NRG3: variants seen among roughly 807,000 people sequenced by gnomAD.
NRG3 encodes the protein neuregulin 3.
Under a neutral mutation model 66.9 loss-of-function variants are expected in NRG3, and 31 were observed. That is an observed-to-expected ratio of 0.46 (90% CI 0.35 to 0.63). The LOEUF is 0.63. Among genes scored for constraint, NRG3 ranks in the 20% least tolerant of loss-of-function variants. The pLI, the probability that NRG3 is intolerant of heterozygous loss-of-function variation, is 0.00. For missense variants in NRG3, 910 were observed against 878.9 expected, an observed-to-expected ratio of 1.04 and a Z score of -0.45; for synonymous variants, 393 against 359.4, an observed-to-expected ratio of 1.09 and a Z score of -1.06.
At chr10:82,776,209 G>T (rs1027774785) in intron 3 of NRG3, among the ~76,000 whole-genome samples, 26 of 151,974 alleles carry the variant, frequency 1.7e-4, no homozygotes, top group African/African-American at 6.3e-4. Context: ...ACCATTTTAG[G>T]TTGGCAGTTT....
chr10:82,723,313 G>A (rs2057410749), intron 2 of NRG3, among the ~76,000 whole-genome samples: 1 of 152,166 alleles, frequency 6.6e-6, no homozygotes, highest in Non-Finnish European at 1.5e-5. Context: ...GGGACTACTG[G>A]AGAGGGGAAG....
chr10:82,635,204 G>A (rs774906548), intron 2 of NRG3, among the ~76,000 whole-genome samples: 12 of 152,024 alleles, frequency 7.9e-5, no homozygotes, highest in Non-Finnish European at 1.5e-4. Context: ...TACCACCTTC[G>A]TTTGATCTTC....
At chr10:82,564,328 C>G (rs1002341791) in intron 2 of NRG3, among the ~76,000 whole-genome samples, 1 of 152,108 alleles carries the variant, frequency 6.6e-6, no homozygotes, top group African/African-American at 2.4e-5. Flanking sequence ...GATGGAGCTT[C>G]TCTGAATTGA....
chr10:82,475,662 C>T (rs1186787930), intron 2 of NRG3, among the ~76,000 whole-genome samples: 2 of 151,992 alleles, frequency 1.3e-5, no homozygotes, highest in South Asian at 4.1e-4. Context: ...TTAAGTTAGA[C>T]CCTTATCTTA....
At chr10:82,409,164 A>G (rs1232897028) in intron 2 of NRG3, among the ~76,000 whole-genome samples, 2 of 152,180 alleles carry the variant, frequency 1.3e-5, no homozygotes, top group African/African-American at 2.4e-5. Flanking sequence ...TATCAAGACT[A>G]TCTACCAATT....
intron 1 of NRG3, among the ~76,000 whole-genome samples, chr10:82,284,510 A>G (rs1354800886): frequency 6.6e-6 from 1 of 152,222 alleles, no homozygotes; most frequent in Non-Finnish European, 1.5e-5. Flanking sequence ...AGTGTTTATC[A>G]TACTAGGCAT....
chr10:82,495,236 A>T (rs2132287941), intron 2 of NRG3, among the ~76,000 whole-genome samples: 1 of 152,168 alleles, frequency 6.6e-6, no homozygotes. Context: ...CGCCAGGCCG[A>T]TCCCTGCTCT....
intron 4 of NRG3, among the ~76,000 whole-genome samples, chr10:82,921,824 G>A (rs1230314542): frequency 6.6e-6 from 1 of 152,108 alleles, no homozygotes; most frequent in Non-Finnish European, 1.5e-5. Context: ...CAGCTTTAGA[G>A]AATGTGGTTT....
At chr10:82,022,945 A>G (rs1290405628) in intron 1 of NRG3, among the ~76,000 whole-genome samples, 1 of 150,986 alleles carries the variant, frequency 6.6e-6, no homozygotes, top group Non-Finnish European at 1.5e-5. Context: ...ATATATATTT[A>G]TGGGGTACAT....
At chr10:82,825,783 C>T (rs950563942) in intron 3 of NRG3, among the ~76,000 whole-genome samples, 4 of 152,136 alleles carry the variant, frequency 2.6e-5, no homozygotes, top group Admixed American at 6.5e-5. Context: ...TACCATGTAA[C>T]ATACGATTAA....
At chr10:82,753,776 G>A (rs1192131219) in intron 3 of NRG3, among the ~76,000 whole-genome samples, 3 of 151,636 alleles carry the variant, frequency 2.0e-5, no homozygotes, top group Non-Finnish European at 4.4e-5. Context: ...GTGAAACCCC[G>A]TCTTTACTAA....
At chr10:82,682,203 G>A (rs1042889018) in intron 2 of NRG3, among the ~76,000 whole-genome samples, 8 of 152,200 alleles carry the variant, frequency 5.3e-5, no homozygotes, top group African/African-American at 1.9e-4. Context: ...ACTATTTATT[G>A]TTTATCAGGT....
chr10:82,591,273 T>C (rs2046966999), intron 2 of NRG3, among the ~76,000 whole-genome samples: 1 of 152,178 alleles, frequency 6.6e-6, no homozygotes, highest in Admixed American at 6.5e-5. Context: ...TAAGAAACAG[T>C]ACTTTTTGAA....
chr10:82,129,018 T>G (rs941124181), intron 1 of NRG3, among the ~76,000 whole-genome samples: 6 of 151,888 alleles, frequency 4.0e-5, no homozygotes, highest in African/African-American at 1.5e-4. Context: ...GTTCAAGCGA[T>G]TCTCCTGTCT....
chr10:82,569,818 A>G (rs1452446343), intron 2 of NRG3, among the ~76,000 whole-genome samples: 1 of 151,718 alleles, frequency 6.6e-6, no homozygotes, highest in Non-Finnish European at 1.5e-5. Flanking sequence ...CTCTCATATG[A>G]GTGATAAATC....
At chr10:82,544,504 A>G (rs1241188261) in intron 2 of NRG3, among the ~76,000 whole-genome samples, 1 of 152,138 alleles carries the variant, frequency 6.6e-6, no homozygotes, top group Non-Finnish European at 1.5e-5. Flanking sequence ...AGCCAATGGG[A>G]TATTAACATA....
intron 3 of NRG3, among the ~76,000 whole-genome samples, chr10:82,841,857 C>T (rs1407630243): frequency 1.3e-5 from 2 of 152,142 alleles, no homozygotes; most frequent in African/African-American, 4.8e-5. Context: ...TGCTACTTGA[C>T]CCAACAAAAG....
chr10:81,901,183 C>T (rs1021338322), intron 1 of NRG3, among the ~76,000 whole-genome samples: 10 of 152,272 alleles, frequency 6.6e-5, no homozygotes, highest in Non-Finnish European at 1.2e-4. Context: ...TCATGTGATG[C>T]TAGTGACTTT....
chr10:82,661,358 A>G (rs1204492310), intron 2 of NRG3, among the ~76,000 whole-genome samples: 1 of 152,078 alleles, frequency 6.6e-6, no homozygotes, highest in Non-Finnish European at 1.5e-5. Flanking sequence ...ACATATAAAT[A>G]TATAAACAGC....
Sources: allele counts gnomAD v4.1 joint callset (sites outside exome capture counted in the v4.1 genomes callset), GRCh38; gene constraint gnomAD v4.1.1; transcripts MANE v1.5; gene names NCBI Gene and HGNC (gene_info 2026-07-23, HGNC 2026-07-21).